The following HTR4 variants were observed in gnomAD, a reference collection of about 807,000 sequenced individuals.
The protein encoded by HTR4 is 5-hydroxytryptamine receptor 4.
A neutral mutation model predicts 36.8 loss-of-function variants in HTR4; 16 were observed. The ratio of observed to expected loss-of-function variants is 0.43; its 90% confidence interval spans 0.29 to 0.66. The LOEUF is 0.66. Among genes scored for constraint, HTR4 ranks in the 30% least tolerant of loss-of-function variants. The probability of loss-of-function intolerance (pLI) is 0.13; values close to 1 mark genes in which losing one functional copy is unlikely to be tolerated. For synonymous variants in HTR4, 189 were observed against 185.1 expected, an observed-to-expected ratio of 1.02 and a Z score of -0.17; for missense variants, 438 against 490.9, an observed-to-expected ratio of 0.89 and a Z score of 1.02.
chr5:148,543,477 T>C (rs1241677493), intron 4 of HTR4, among the ~76,000 whole-genome samples: 1 of 152,170 alleles, frequency 6.6e-6, no homozygotes, highest in African/African-American at 2.4e-5. Context: ...GATCATCCAA[T>C]AAGCAAGTTG....
chr5:148,590,292 T>C (rs1238726817), intron 2 of HTR4, among the ~76,000 whole-genome samples: 14 of 119,052 alleles, frequency 1.2e-4, no homozygotes, highest in South Asian at 9.3e-4. Context: ...CTTTTCTTTT[T>C]TTTTTTTTTT....
intron 4 of HTR4, among the ~76,000 whole-genome samples, chr5:148,542,119 T>C (rs1759145179): frequency 6.6e-6 from 1 of 152,188 alleles, no homozygotes; most frequent in Non-Finnish European, 1.5e-5. Flanking sequence ...TCATAGTAAT[T>C]AGTAAGCACT....
At chr5:148,564,076 A>G (rs1760331026) in intron 2 of HTR4, among the ~76,000 whole-genome samples, 1 of 152,240 alleles carries the variant, frequency 6.6e-6, no homozygotes, top group Non-Finnish European at 1.5e-5. Context: ...TCAAAATCTT[A>G]TAATGTCTTC....
intron 5 of HTR4, among the ~76,000 whole-genome samples, chr5:148,514,404 T>C (rs1394024829): frequency 1.3e-5 from 2 of 152,160 alleles, no homozygotes; most frequent in African/African-American, 2.4e-5. Context: ...ATGAATTACA[T>C]TGATTGCATT....
At chr5:148,481,113 A>G (rs995528779), downstream of HTR4, among the ~76,000 whole-genome samples, 3 of 152,210 alleles carry the variant, frequency 2.0e-5, no homozygotes, top group Non-Finnish European at 4.4e-5. Context: ...GTGGGCAGCC[A>G]CAGCAGATTG....
intron 1 of HTR4, among the ~76,000 whole-genome samples, chr5:148,650,584 T>A (rs533944032): frequency 6.6e-6 from 1 of 152,076 alleles, no homozygotes; most frequent in South Asian, 2.1e-4. Context: ...TTAAAAAAAA[T>A]GGTGACTTTA....
At chr5:148,607,024 G>T (rs1431412474) in intron 2 of HTR4, among the ~76,000 whole-genome samples, 1 of 152,072 alleles carries the variant, frequency 6.6e-6, no homozygotes, top group Non-Finnish European at 1.5e-5. Flanking sequence ...CCTTTTTTCA[G>T]TTAAACCTTA....
intron 6 of HTR4, among the ~76,000 whole-genome samples, chr5:148,487,552 C>T (rs1005359825): frequency 2.6e-5 from 4 of 152,054 alleles, no homozygotes; most frequent in East Asian, 1.9e-4. Flanking sequence ...CCTTTGACAG[C>T]GAGGGTAGGA....
chr5:148,525,287 CAT>C (rs746631754), intron 4 of HTR4, among the ~76,000 whole-genome samples: 18 of 152,118 alleles, frequency 1.2e-4, no homozygotes, highest in Non-Finnish European at 2.5e-4. Flanking sequence ...TTATTATTAA[CAT>C]AGAATTAATG....
downstream of HTR4, among the ~76,000 whole-genome samples, chr5:148,477,405 G>C (rs1755734465): frequency 6.6e-6 from 1 of 152,100 alleles, no homozygotes. Context: ...AGAAACAAAG[G>C]GGCAAAGGGG....
intron 4 of HTR4, among the ~76,000 whole-genome samples, chr5:148,544,107 G>C (rs1297440503): frequency 6.6e-6 from 1 of 152,120 alleles, no homozygotes; most frequent in Non-Finnish European, 1.5e-5. Flanking sequence ...ACAGAAATTA[G>C]TAAAACTGAA....
At chr5:148,585,916 C>T (rs577693314) in intron 2 of HTR4, among the ~76,000 whole-genome samples, 2 of 152,230 alleles carry the variant, frequency 1.3e-5, no homozygotes, top group South Asian at 4.2e-4. Flanking sequence ...AAACTTGCTC[C>T]TTTTACAAGA....
At chr5:148,631,896 A>G (rs914302782) in intron 2 of HTR4, among the ~76,000 whole-genome samples, 1 of 152,012 alleles carries the variant, frequency 6.6e-6, no homozygotes, top group Non-Finnish European at 1.5e-5. Flanking sequence ...AATATTATGT[A>G]TTTTATATTT....
intron 2 of HTR4, among the ~76,000 whole-genome samples, chr5:148,614,810 A>G (rs1439007998): frequency 6.6e-6 from 1 of 152,246 alleles, no homozygotes; most frequent in Non-Finnish European, 1.5e-5. Flanking sequence ...TCCAGAATCT[A>G]CAATGAATTC....
intron 2 of HTR4, among the ~76,000 whole-genome samples, chr5:148,555,668 G>A (rs532242635): frequency 5.5e-4 from 84 of 152,196 alleles, no homozygotes; most frequent in African/African-American, 1.8e-3. Flanking sequence ...AAATTGGTTC[G>A]TTGACAGCTA....
chr5:148,477,357 A>G (rs1755733090), downstream of HTR4, among the ~76,000 whole-genome samples: 1 of 152,224 alleles, frequency 6.6e-6, no homozygotes, highest in Non-Finnish European at 1.5e-5. Flanking sequence ...CCTACTGTAT[A>G]AATGCATCTT....
Position 148,579,999 on chromosome 5 carries a change from G to C in HTR4, c.27-29737C>G, listed in dbSNP as rs566017171. 5.6e-3 allele frequency among the ~76,000 whole-genome samples: 857 copies of C among 152,104 alleles called. 7 individuals carry two copies. The highest frequency in any genetic ancestry group is 0.019 in the African/African-American group (782 of 41,520). ...AATTCCTTTACATCAGTACCTAGGT[G>C]AGTGTTTTATTGAATACCAAGGAGA... On this transcript the variant is annotated intron_variant, in intron 2 of 6. Transcript: ENST00000377888.
chr5:148,537,069 T>C (rs1758858859), intron 4 of HTR4, among the ~76,000 whole-genome samples: 1 of 152,006 alleles, frequency 6.6e-6, no homozygotes, highest in South Asian at 2.1e-4. Flanking sequence ...AAAACAGAAG[T>C]CAAGGCTAAG....
intron 2 of HTR4, among the ~76,000 whole-genome samples, chr5:148,634,638 G>A (rs902482711): frequency 2.0e-5 from 3 of 152,034 alleles, no homozygotes; most frequent in Admixed American, 1.3e-4. Context: ...CTGAGTCCTC[G>A]GAGAAGTCAG....
Sources: allele counts gnomAD v4.1 joint callset (sites outside exome capture counted in the v4.1 genomes callset), GRCh38; gene constraint gnomAD v4.1.1; transcripts MANE v1.5; gene names NCBI Gene and HGNC (gene_info 2026-07-23, HGNC 2026-07-21).